The following SLC4A4 variants were observed in gnomAD, a reference collection of about 807,000 sequenced individuals.
SLC4A4 encodes solute carrier family 4 member 4, also known as electrogenic sodium bicarbonate cotransporter 1.
SLC4A4 carries 27 observed loss-of-function variants against 111.5 expected under a neutral mutation model. The ratio of observed to expected loss-of-function variants is 0.24; its 90% CI spans 0.18 to 0.33. The LOEUF is 0.33. Ranked by LOEUF, SLC4A4 falls within the 10% of genes least tolerant of loss-of-function variation. The pLI, the probability that SLC4A4 is intolerant of heterozygous loss-of-function variation, is 1.00. For missense variants in SLC4A4, 909 were observed against 1,315.5 expected (o/e 0.69, Z 4.78); for synonymous variants, 443 against 463.4 (o/e 0.96, Z 0.57).
intron 6 of SLC4A4, among the ~76,000 whole-genome samples, chr4:71,376,053 GTA>G (rs1361018036): frequency 2.1e-5 from 3 of 140,938 alleles, no homozygotes; most frequent in Admixed American, 7.2e-5. Context: ...ATATATACAC[GTA>G]TATATATATA....
intron 1 of SLC4A4, among the ~76,000 whole-genome samples, chr4:71,083,739 C>T (rs528557891): frequency 7.2e-5 from 11 of 151,788 alleles, no homozygotes; most frequent in East Asian, 3.9e-4. Context: ...AGCTTCACTC[C>T]GTTCTAGTTG....
intron 1 of SLC4A4, among the ~76,000 whole-genome samples, chr4:71,200,426 T>C (rs986026400): frequency 1.3e-5 from 2 of 152,220 alleles, no homozygotes; most frequent in African/African-American, 4.8e-5. Context: ...ACATATTCAA[T>C]ATAATTTTCG....
intron 12 of SLC4A4, among the ~76,000 whole-genome samples, chr4:71,456,849 A>G (rs1259821007): frequency 6.6e-6 from 1 of 152,124 alleles, no homozygotes; most frequent in Non-Finnish European, 1.5e-5. Context: ...GCTTTTCTAA[A>G]CAGTAGACCA....
At chr4:71,295,083 A>G (rs1724673131) in intron 3 of SLC4A4, among the ~76,000 whole-genome samples, 2 of 152,200 alleles carry the variant, frequency 1.3e-5, no homozygotes, top group Admixed American at 6.5e-5. Flanking sequence ...GGGGAAATTA[A>G]CAATTTCAAT....
chr4:71,535,345 G>A (rs1734322218), intron 18 of SLC4A4, among the ~76,000 whole-genome samples: 1 of 152,158 alleles, frequency 6.6e-6, no homozygotes, highest in African/African-American at 2.4e-5. Flanking sequence ...AGGAATGAGA[G>A]AGATGAGGAA....
intron 2 of SLC4A4, among the ~76,000 whole-genome samples, chr4:71,161,952 T>C (rs1744625567): frequency 6.6e-6 from 1 of 152,154 alleles, no homozygotes; most frequent in Admixed American, 6.5e-5. Flanking sequence ...CCTATCCCAA[T>C]CTACTAATTG....
At chr4:71,385,714 C>G (rs895050503) in intron 6 of SLC4A4, among the ~76,000 whole-genome samples, 1 of 152,086 alleles carries the variant, frequency 6.6e-6, no homozygotes, top group African/African-American at 2.4e-5. Flanking sequence ...CCTATTGTTA[C>G]TACATTCCTA....
At chr4:71,236,234 ATTT>A (rs34835011) in intron 1 of SLC4A4, 305 of 956,670 alleles carry the variant, frequency 3.2e-4, no homozygotes, top group South Asian at 9.5e-4. Context: ...CTCTCTTGGT[ATTT>A]TTTTTTTTTT....
At chr4:71,346,865 C>G (rs1477461850) in intron 4 of SLC4A4, among the ~76,000 whole-genome samples, 1 of 152,092 alleles carries the variant, frequency 6.6e-6, no homozygotes, top group African/African-American at 2.4e-5. Flanking sequence ...ATTTAATAGG[C>G]ATTTTTCCAG....
intron 3 of SLC4A4, among the ~76,000 whole-genome samples, chr4:71,335,641 C>G (rs1020576718): frequency 6.6e-6 from 1 of 152,056 alleles, no homozygotes; most frequent in Non-Finnish European, 1.5e-5. Context: ...CTGACTAACA[C>G]GGTGAAACCC....
At chr4:71,523,620 A>C (rs1733156134) in intron 16 of SLC4A4, among the ~76,000 whole-genome samples, 2 of 152,092 alleles carry the variant, frequency 1.3e-5, no homozygotes, top group Non-Finnish European at 1.5e-5. Flanking sequence ...GGTCCTGAGC[A>C]CTTTCAGCTT....
intron 3 of SLC4A4, among the ~76,000 whole-genome samples, chr4:71,277,815 A>G (rs975456789): frequency 2.0e-5 from 3 of 152,094 alleles, no homozygotes; most frequent in Admixed American, 6.6e-5. Context: ...TCATTGAGGT[A>G]TAGTTAACAA....
At chr4:71,421,291 C>T (rs558156344) in intron 7 of SLC4A4, among the ~76,000 whole-genome samples, 13 of 152,246 alleles carry the variant, frequency 8.5e-5, no homozygotes, top group Middle Eastern at 3.4e-3. Flanking sequence ...GCTAACTATC[C>T]TAAATATATA....
upstream of SLC4A4, among the ~76,000 whole-genome samples, chr4:71,182,294 C>A (rs1221461210): frequency 1.3e-5 from 2 of 152,120 alleles, no homozygotes; most frequent in Non-Finnish European, 2.9e-5. Context: ...TTTCCCTAAG[C>A]AGAGGGGAAA....
At chr4:71,127,647 A>T (rs958546440) in intron 2 of SLC4A4, among the ~76,000 whole-genome samples, 1 of 152,318 alleles carries the variant, frequency 6.6e-6, no homozygotes, top group South Asian at 2.1e-4. Flanking sequence ...ATAAATAAAG[A>T]TATTTAAAAT....
intron 16 of SLC4A4, among the ~76,000 whole-genome samples, chr4:71,499,253 A>G (rs1373029818): frequency 6.6e-6 from 1 of 152,162 alleles, no homozygotes; most frequent in African/African-American, 2.4e-5. Flanking sequence ...ATAAGTCATA[A>G]TTTGCAAAAT....
intron 2 of SLC4A4, among the ~76,000 whole-genome samples, chr4:71,152,671 G>A (rs1337118518): frequency 6.6e-6 from 1 of 152,050 alleles, no homozygotes; most frequent in African/African-American, 2.4e-5. Flanking sequence ...TCAGGTTAAA[G>A]GACATTCTTA....
intron 12 of SLC4A4, among the ~76,000 whole-genome samples, chr4:71,460,981 TG>T (rs1186219566): frequency 1.3e-5 from 2 of 152,184 alleles, no homozygotes; most frequent in Non-Finnish European, 2.9e-5. Context: ...TGTCTTATGC[TG>T]GTGACCTGAC....
chr4:71,406,131 C>T (rs1720828152), intron 7 of SLC4A4, among the ~76,000 whole-genome samples: 1 of 151,996 alleles, frequency 6.6e-6, no homozygotes, highest in Non-Finnish European at 1.5e-5. Context: ...GAATATTATT[C>T]AACACATTTG....
Sources: gnomAD v4.1 joint callset for allele counts (sites outside exome capture counted in the v4.1 genomes callset) on GRCh38, gnomAD v4.1.1 for gene constraint, MANE v1.5 for transcripts, NCBI Gene and HGNC (gene_info 2026-07-23, HGNC 2026-07-21) for gene names.